The following CCNT2 variants were observed in gnomAD, a reference collection of about 807,000 sequenced individuals.
CCNT2 encodes cyclin T2.
A neutral mutation model predicts 70.0 loss-of-function variants in CCNT2; 18 were observed. That is an observed-to-expected ratio of 0.26 (90% CI 0.18 to 0.38). The LOEUF (loss-of-function observed/expected upper bound fraction) is 0.38, where lower values mean the gene tolerates loss of function less well. Ranked by LOEUF, CCNT2 falls within the 10% of genes least tolerant of loss-of-function variation. The pLI is 1.00. For synonymous variants in CCNT2, 334 were observed against 313.3 expected, an observed-to-expected ratio of 1.07 and a Z score of -0.70; for missense variants, 734 against 890.2, an observed-to-expected ratio of 0.82 and a Z score of 2.23.
chr2:134,957,640 G>A lies in CCNT2; in HGVS notation c.*2992G>A, dbSNP rs1297321949. On this transcript the variant is annotated 3_prime_UTR_variant, in exon 9 of 9. Coordinates refer to ENST00000264157, the MANE Select transcript of CCNT2 (RefSeq NM_058241.3). ...TTCTTAGAGGCCTACTTAACGGGCG[G>A]CAGTATCCGGTAGTGGTAAAACCTC... The A allele has an allele frequency of 6.6e-6, 1 of 152,188 alleles. No homozygotes were observed. The highest frequency in any genetic ancestry group is 1.5e-5 in the Non-Finnish European group (1 of 68,028). 9.4% of individuals were successfully genotyped at this position (152,188 alleles called of 1,614,324 possible).
chr2:134,941,720 ATATT>A (rs879400601), intron 4 of CCNT2, among the ~76,000 whole-genome samples: 3 of 152,370 alleles, frequency 2.0e-5, no homozygotes, highest in Middle Eastern at 3.4e-3. Context: ...TCATTATAAA[ATATT>A]TAGTTGTTAT....
Position 134,939,036 on chromosome 2 carries a change from T to C in CCNT2, c.404T>C (p.Leu135Pro), listed in dbSNP as rs773163331. 6.2e-7 allele frequency: 1 copy of C among 1,611,142 alleles called. No homozygotes were observed. The highest frequency in any genetic ancestry group is 8.5e-7 in the Non-Finnish European group (1 of 1,177,688). Reference sequence around the variant, plus strand: ...CAACAGACTCAAGAACTGGTTATACTTGAAACCATAATGCTACAAACTCTA... The same window carrying C: ...CAACAGACTCAAGAACTGGTTATACCTGAAACCATAATGCTACAAACTCTA... Reference protein sequence around the residue: ...YLQQTQELVILETIMLQTLGF... With the variant: ...YLQQTQELVIPETIMLQTLGF... The change falls in exon 4 of 9, where the codon CTT becomes CCT. Residue 135 changes from leucine to proline, a missense_variant. Transcript: ENST00000264157.
At chr2:134,947,093 G>C (rs1682037662) in intron 6 of CCNT2, among the ~76,000 whole-genome samples, 1 of 152,152 alleles carries the variant, frequency 6.6e-6, no homozygotes, top group South Asian at 2.1e-4. Context: ...CATATTTCAT[G>C]CCCCATATTT....
chr2:134,938,797 T>C (rs1046632640), intron 3 of CCNT2, among the ~76,000 whole-genome samples: 1 of 152,228 alleles, frequency 6.6e-6, no homozygotes, highest in Non-Finnish European at 1.5e-5. Context: ...TTTCTGGTGT[T>C]TGTTTCCTGT....
chr2:134,937,908 C>A (rs537323458), intron 3 of CCNT2, among the ~76,000 whole-genome samples: 4 of 152,222 alleles, frequency 2.6e-5, no homozygotes, highest in South Asian at 2.1e-4. Context: ...GAGTGAAACA[C>A]CGTCTCAAAA....
At position 134,958,974 on chromosome 2, in the gene CCNT2, CTACTT is replaced by C. The variant is rs761432422; in HGVS notation, c.*4329_*4333del. 5.3e-5 allele frequency: 8 copies of C among 152,154 alleles called. No individual in the cohort carries two copies. Among genetic ancestry groups the C allele is most frequent in the Non-Finnish European group, 8.8e-5 (6 of 68,036 alleles). The allele number at this position is 152,154 out of a possible 1,614,324, so 9.4% of individuals were successfully genotyped here. A position where few individuals can be genotyped will look rare whatever the true frequency, so the allele number is the denominator to read the frequency against. ...ATTTATCTCAAAGTTTGAGGGCTGT[CTACTT>C]TATTTTCAAGTTTGGGGCGGAAACT... On this transcript the variant is annotated 3_prime_UTR_variant, in exon 9 of 9. Transcript: ENST00000264157.
chr2:134,939,458 A>T (rs1681405812), intron 4 of CCNT2, among the ~76,000 whole-genome samples: 1 of 151,072 alleles, frequency 6.6e-6, no homozygotes, highest in Non-Finnish European at 1.5e-5. Context: ...TTTTTATTTT[A>T]TTTATTTATT....
rs759859687 is a variant in CCNT2, at chr2:134,936,823, G to GT, written c.241-14dup. 1 of 1,597,616 alleles carries GT rather than the reference G, an allele frequency of 6.3e-7. No individual in the cohort carries two copies. The highest frequency in any genetic ancestry group is 8.5e-7 in the Non-Finnish European group (1 of 1,173,500). ...ATGTATTTGTTCTTAAATGACCAGAGTTTTATCTTTTCTGCAGATAATATC... is the reference window on the plus strand; with the variant it reads ...ATGTATTTGTTCTTAAATGACCAGAGTTTTTATCTTTTCTGCAGATAATATC... On this transcript the variant is annotated splice_polypyrimidine_tract_variant and intron_variant, in intron 2 of 8. Transcript: ENST00000264157.
chr2:134,929,634 AG>A (rs1413332256), intron 2 of CCNT2, among the ~76,000 whole-genome samples: 1 of 132,070 alleles, frequency 7.6e-6, no homozygotes. Context: ...AGAGAGAGAG[AG>A]AACTAATAAA....
At chr2:134,940,413 C>G (rs777482715) in intron 4 of CCNT2, among the ~76,000 whole-genome samples, 1 of 152,008 alleles carries the variant, frequency 6.6e-6, no homozygotes, top group Non-Finnish European at 1.5e-5. Flanking sequence ...TCTATTTTAT[C>G]ATTTACTGCC....
chr2:134,929,278 G>T (rs1245613580), intron 2 of CCNT2, among the ~76,000 whole-genome samples: 3 of 151,938 alleles, frequency 2.0e-5, no homozygotes, highest in African/African-American at 7.3e-5. Flanking sequence ...CGGTTTCCTT[G>T]AAATTTCTTT....
Position 134,954,269 on chromosome 2 carries a change from T to C in CCNT2, c.1814T>C (p.Leu605Pro), listed in dbSNP as rs778098961. The change falls in exon 9 of 9, where the codon CTG becomes CCG. Residue 605 changes from leucine (L) to proline (P), a missense_variant. This residue lies in a region of CCNT2 where 532 missense variants were observed against 556.9 expected (regional missense o/e 0.96). Transcript: ENST00000264157. ...ACTGTTCTGAGGAGTCCTGTTGGCC[T>C]GAGCAGTGATGGCATTTCCTCTAGC... is the stretch of plus-strand genomic sequence containing the variant. ...PPTVLRSPVGLSSDGISSSSS... is the reference protein window; with the variant it reads ...PPTVLRSPVGPSSDGISSSSS... 6.2e-7 allele frequency: 1 copy of C among 1,614,184 alleles called. No individual in the cohort carries two copies. Among genetic ancestry groups the C allele is most frequent in the South Asian group, 1.1e-5 (1 of 91,080 alleles).
At chr2:134,950,073 T>C (rs757534529) in intron 7 of CCNT2, among the ~76,000 whole-genome samples, 5 of 152,286 alleles carry the variant, frequency 3.3e-5, no homozygotes, top group Non-Finnish European at 5.9e-5. Flanking sequence ...ATTACAGGCG[T>C]GAACCACCAC....
At chr2:134,921,711 G>A (rs867577334) in intron 2 of CCNT2, among the ~76,000 whole-genome samples, 2 of 152,152 alleles carry the variant, frequency 1.3e-5, no homozygotes, top group African/African-American at 4.8e-5. Context: ...CGTGGTTGGC[G>A]TGCTTTACAA....
At position 134,955,724 on chromosome 2, in the gene CCNT2, A is replaced by T. The variant is rs1682883055; in HGVS notation, c.*1076A>T. 6.6e-6 allele frequency: 1 copy of T among 152,630 alleles called. No individual in the cohort carries two copies. Among genetic ancestry groups the T allele is most frequent in the South Asian group, 2.1e-4 (1 of 4,830 alleles). The allele number at this position is 152,630 out of a possible 1,614,324, so 9.5% of individuals were successfully genotyped here. A position where few individuals can be genotyped will look rare whatever the true frequency, so the allele number is the denominator to read the frequency against. ...CTTCCCTGAAGCGTGTTTGTGTGTG[A>T]TGCCATATTTCTTTTTCAGGTAAAT... is the stretch of plus-strand genomic sequence containing the variant. On this transcript the variant is annotated 3_prime_UTR_variant, in exon 9 of 9. Coordinates refer to ENST00000264157, the MANE Select transcript of CCNT2 (RefSeq NM_058241.3).
At chr2:134,936,026 A>G (rs930180451) in intron 2 of CCNT2, among the ~76,000 whole-genome samples, 2 of 151,992 alleles carry the variant, frequency 1.3e-5, no homozygotes, top group Non-Finnish European at 1.5e-5. Context: ...AGGTATCTTC[A>G]CTATCTTGTG....
intron 5 of CCNT2, chr2:134,945,717 G>C: frequency 1.6e-6 from 2 of 1,277,892 alleles, no homozygotes; most frequent in Non-Finnish European, 2.0e-6. Context: ...AGTCTGGCAG[G>C]CAACTCTTTG....
At chr2:134,953,097 T>A (rs1682648651) in intron 8 of CCNT2, 133 bp from the exon 9 acceptor site, 1 of 627,518 alleles carries the variant, frequency 1.6e-6, no homozygotes, top group East Asian at 2.8e-5. Context: ...CAACATAAAA[T>A]CTTGAACCCC....
chr2:134,928,747 A>C lies in CCNT2; in HGVS notation c.241-8094A>C, dbSNP rs142146422. 1.7e-3 allele frequency among the ~76,000 whole-genome samples: 259 copies of C among 152,218 alleles called. 1 individual carries two copies. The highest frequency in any genetic ancestry group is 6.8e-3 in the Middle Eastern group (2 of 294). On this transcript the variant is annotated intron_variant, in intron 2 of 8. Transcript: ENST00000264157. ...TTAGAAGTTGAAAAAAAAAAATGGG[A>C]AAGATGTTTCTTCTGTGGCCAAAAA... is the stretch of plus-strand genomic sequence containing the variant.
Sources: allele counts gnomAD v4.1 joint callset (sites outside exome capture counted in the v4.1 genomes callset), GRCh38; gene constraint gnomAD v4.1.1; regional missense constraint gnomAD v4.1.1; transcripts MANE v1.5; gene names NCBI Gene and HGNC (gene_info 2026-07-23, HGNC 2026-07-21).